PCDHA4: variants seen among roughly 807,000 people sequenced by gnomAD.
PCDHA4 encodes protocadherin alpha-4.
Under a neutral mutation model 61.4 loss-of-function variants are expected in PCDHA4, and 49 were observed. The ratio of observed to expected loss-of-function variants is 0.80; its 90% confidence interval spans 0.63 to 1.01. PCDHA4 has a LOEUF of 1.01. PCDHA4 is among the 50% of genes least tolerant of loss of function. The pLI is 0.00. For missense variants in PCDHA4, 1,254 were observed against 1,235.8 expected (o/e 1.01, Z -0.22); for synonymous variants, 590 against 550.3 (o/e 1.07, Z -1.01).
At chr5:140,830,772 A>G in intron 1 of PCDHA4, 1 of 169,878 alleles carries the variant, frequency 5.9e-6, no homozygotes, top group Non-Finnish European at 1.2e-5. Flanking sequence ...GAATCATAGT[A>G]GCATTTTTTT....
rs2150313272 is a variant in PCDHA4, at chr5:140,841,310, C to G, written c.2385+31738C>G. 53 of 1,550,820 alleles carry G rather than the reference C, an allele frequency of 3.4e-5. No individual in the cohort carries two copies. In the Middle Eastern group the frequency reaches 5.2e-4, roughly 15 times the overall value. Reference sequence around the variant, plus strand: ...TAAGATAATATTTTCTGATAGGAAACGACTATTTAACATGGATTATCACTG... The same window carrying G: ...TAAGATAATATTTTCTGATAGGAAAGGACTATTTAACATGGATTATCACTG... On this transcript the variant is annotated intron_variant, in intron 1 of 3. Transcript: ENST00000530339.
intron 1 of PCDHA4, chr5:140,861,363 G>A: frequency 2.8e-6 from 1 of 354,256 alleles, no homozygotes; most frequent in Non-Finnish European, 5.8e-6. Flanking sequence ...TAGCGTCTTC[G>A]CGGTCCCTAT....
chr5:140,927,290 T>A (rs1563090312), intron 1 of PCDHA4: 2 of 1,614,054 alleles, frequency 1.2e-6, no homozygotes, highest in Admixed American at 1.7e-5. Context: ...CAGCTGCACA[T>A]CCCCGAGTTC....
intron 1 of PCDHA4, chr5:140,824,729 AGATTAC>A (rs1554130046): frequency 6.7e-6 from 1 of 149,846 alleles, no homozygotes; most frequent in African/African-American, 2.5e-5. Context: ...CGAAGTACTA[AGATTAC>A]AGGATTGAGC....
At chr5:140,951,545 G>T (rs1019007635) in intron 1 of PCDHA4, among the ~76,000 whole-genome samples, 2 of 151,950 alleles carry the variant, frequency 1.3e-5, no homozygotes, top group African/African-American at 4.8e-5. Flanking sequence ...GCAAGGGACG[G>T]GGGGAAGTGC....
chr5:141,000,389 C>CTATA (rs2097911342), intron 3 of PCDHA4, among the ~76,000 whole-genome samples: 3 of 62,588 alleles, frequency 4.8e-5, no homozygotes, highest in Non-Finnish European at 8.6e-5. Flanking sequence ...CTCTCTCTCT[C>CTATA]TCTCTCTATA....
At chr5:140,999,620 G>A (rs184259991) in intron 3 of PCDHA4, among the ~76,000 whole-genome samples, 6 of 152,262 alleles carry the variant, frequency 3.9e-5, no homozygotes, top group African/African-American at 1.2e-4. Flanking sequence ...TATCAACCAG[G>A]AAACAAGGTA....
intron 1 of PCDHA4, among the ~76,000 whole-genome samples, chr5:140,872,820 T>C (rs1233972983): frequency 6.6e-6 from 1 of 152,216 alleles, no homozygotes; most frequent in African/African-American, 2.4e-5. Flanking sequence ...TTCAGATTCA[T>C]CTAGCAGAGA....
chr5:140,844,367 A>C (rs1220676752), intron 1 of PCDHA4, among the ~76,000 whole-genome samples: 1 of 149,478 alleles, frequency 6.7e-6, no homozygotes, highest in Non-Finnish European at 1.5e-5. Context: ...GAGATTTGTA[A>C]TCCTTCTTTT....
In PCDHA4 at chr5:141,010,661, C is replaced by T. The variant is rs1331706826; in HGVS notation, c.*724C>T. ...AACAGTTCAGTGTTTTAACAGAGAA[C>T]CACCCTGGGAAACAGAAGCAGATCT... On this transcript the variant is annotated 3_prime_UTR_variant, in exon 4 of 4. Transcript: ENST00000530339. 6.0e-6 allele frequency: 1 copy of T among 166,290 alleles called. No homozygotes were observed. Among genetic ancestry groups the T allele is most frequent in the Non-Finnish European group, 1.3e-5 (1 of 76,066 alleles). 10.3% of individuals were successfully genotyped at this position (166,290 alleles called of 1,614,324 possible).
At chr5:140,960,067 A>T (rs1423900287) in intron 1 of PCDHA4, among the ~76,000 whole-genome samples, 1 of 152,228 alleles carries the variant, frequency 6.6e-6, no homozygotes, top group East Asian at 1.9e-4. Context: ...AGAAGATTCA[A>T]TTGAAGTTTC....
intron 1 of PCDHA4, chr5:140,867,368 C>A (rs1036514483): frequency 6.6e-6 from 1 of 151,940 alleles, no homozygotes; most frequent in African/African-American, 2.4e-5. Context: ...TTTACAGATG[C>A]GTAATGGAAT....
intron 1 of PCDHA4, chr5:140,836,240 C>G: frequency 6.2e-7 from 1 of 1,613,780 alleles, no homozygotes; most frequent in Non-Finnish European, 8.5e-7. Context: ...CCGGTGCGAG[C>G]ATCCCGTTCC....
rs530563833 is a variant in PCDHA4, at chr5:140,894,957, T to A, written c.2386-83992T>A. Among the ~76,000 whole-genome samples, 18 of 152,324 alleles carry A rather than the reference T, an allele frequency of 1.2e-4. No individual in the cohort carries two copies. In the East Asian group the frequency reaches 3.3e-3, roughly 28 times the overall value. Reference sequence around the variant, plus strand: ...AGCTATTGTCATGAAATGATAAAAATATAATTTTTTAATGTCTTACTTTGT... The same window carrying A: ...AGCTATTGTCATGAAATGATAAAAAAATAATTTTTTAATGTCTTACTTTGT... On this transcript the variant is annotated intron_variant, in intron 1 of 3. Transcript: ENST00000530339.
At chr5:140,840,242 T>C (rs113669357) in intron 1 of PCDHA4, among the ~76,000 whole-genome samples, 1 of 152,052 alleles carries the variant, frequency 6.6e-6, no homozygotes, top group Non-Finnish European at 1.5e-5. Flanking sequence ...AGAATCACTA[T>C]GCTATAAAAA....
chr5:140,840,052 T>C (rs1449998966), intron 1 of PCDHA4, among the ~76,000 whole-genome samples: 1 of 152,072 alleles, frequency 6.6e-6, no homozygotes, highest in Non-Finnish European at 1.5e-5. Flanking sequence ...GGAAGTCTAA[T>C]GTCTTGACAA....
intron 1 of PCDHA4, among the ~76,000 whole-genome samples, chr5:140,920,592 T>C (rs1226483981): frequency 6.6e-6 from 1 of 152,158 alleles, no homozygotes; most frequent in Non-Finnish European, 1.5e-5. Flanking sequence ...ACGCCTGTAA[T>C]CCCAGCACTT....
At chr5:140,836,174 T>A in intron 1 of PCDHA4, 3 of 1,613,798 alleles carry the variant, frequency 1.9e-6, no homozygotes, top group Non-Finnish European at 2.5e-6. Context: ...TACGTGCAGT[T>A]GACGCTGACT....
chr5:140,841,310 C>T, intron 1 of PCDHA4: 1 of 1,550,948 alleles, frequency 6.4e-7, no homozygotes, highest in South Asian at 1.2e-5. Context: ...TGATAGGAAA[C>T]GACTATTTAA....
Sources: allele counts gnomAD v4.1 joint callset (sites outside exome capture counted in the v4.1 genomes callset), GRCh38; gene constraint gnomAD v4.1.1; transcripts MANE v1.5; gene names NCBI Gene and HGNC (gene_info 2026-07-23, HGNC 2026-07-21).